OPCML: variants seen among roughly 807,000 people sequenced by gnomAD.
OPCML encodes opioid binding protein/cell adhesion molecule like.
In OPCML, 13 loss-of-function variants were observed where a neutral mutation model predicts 37.8. The ratio of observed to expected loss-of-function variants is 0.34; its 90% CI spans 0.22 to 0.55. The LOEUF (loss-of-function observed/expected upper bound fraction) is 0.55, where lower values mean the gene tolerates loss of function less well. Among genes scored for constraint, OPCML ranks in the 20% least tolerant of loss-of-function variants. The pLI, the probability that OPCML is intolerant of heterozygous loss-of-function variation, is 0.91. For synonymous variants in OPCML, 176 were observed against 168.8 expected (o/e 1.04, Z -0.33); for missense variants, 341 against 435.6 (o/e 0.78, Z 1.93).
At chr11:132,519,133 T>A (rs1436856867) in intron 4 of OPCML, among the ~76,000 whole-genome samples, 1 of 152,186 alleles carries the variant, frequency 6.6e-6, no homozygotes, top group Non-Finnish European at 1.5e-5. Flanking sequence ...TGGTCACCTA[T>A]CAAGAACCAC....
chr11:132,853,274 A>T (rs182007706), intron 2 of OPCML, among the ~76,000 whole-genome samples: 60 of 152,220 alleles, frequency 3.9e-4, no homozygotes, highest in African/African-American at 1.3e-3. Flanking sequence ...TATTTAAAGA[A>T]TTTTCAGATG....
In OPCML at chr11:132,452,547, G is replaced by T. The variant is rs1477565410; in HGVS notation, c.506-15188C>A. ...CTTCTTTCAGCCTGCCTGCCTGCCT[G>T]CCTTCCTTTTTTCCTTCCTTCCTGC... is the stretch of plus-strand genomic sequence containing the variant. On this transcript the variant is annotated intron_variant, in intron 4 of 7. Coordinates refer to ENST00000524381, the MANE Select transcript of OPCML (RefSeq NM_001012393.5). Among the ~76,000 whole-genome samples the T allele has an allele frequency of 3.3e-4, 46 of 141,172 alleles. No homozygotes were observed. The South Asian group carries it at 9.3e-3, about 29-fold the overall frequency. 92.6% of individuals were successfully genotyped at this position (141,172 alleles called of 152,430 possible). A position where few individuals can be genotyped will look rare whatever the true frequency, so the allele number is the denominator to read the frequency against.
chr11:133,233,026 G>T (rs1940345012), intron 1 of OPCML, among the ~76,000 whole-genome samples: 1 of 152,108 alleles, frequency 6.6e-6, no homozygotes, highest in South Asian at 2.1e-4. Flanking sequence ...CTTTTTTGGG[G>T]GGTGGGTCTT....
At position 132,942,943 on chromosome 11, in the gene OPCML, C is replaced by T. The variant is rs748534914; in HGVS notation, c.129G>A (p.Gly43=). 6.8e-6 allele frequency: 11 copies of T among 1,614,102 alleles called. No individual in the cohort carries two copies. In the South Asian group the frequency reaches 1.2e-4, roughly 18 times the overall value. Residue 43 remains glycine (G), a synonymous_variant, in exon 2 of 8, where the codon GGG becomes GGA. Coordinates refer to ENST00000524381, the MANE Select transcript of OPCML (RefSeq NM_001012393.5). ...CTCCCTACCTGAGGGTGGCGCTCTC[C>T]CCCTGCCGGACCGTCACGTTGTCCA... ...KAMDNVTVRQ[G]ESATLRCTID...
chr11:133,259,236 GT>G (rs1941417278), intron 1 of OPCML, among the ~76,000 whole-genome samples: 1 of 152,152 alleles, frequency 6.6e-6, no homozygotes, highest in African/African-American at 2.4e-5. Flanking sequence ...ATTTTCATAA[GT>G]TAGGATGAGT....
At chr11:132,631,352 C>CATATATAT (rs61450463) in intron 3 of OPCML, among the ~76,000 whole-genome samples, 5,695 of 142,420 alleles carry the variant, frequency 0.04, 143 homozygotes, top group African/African-American at 0.071. Flanking sequence ...ACCATATATA[C>CATATATAT]ATATATATAT....
intron 2 of OPCML, among the ~76,000 whole-genome samples, chr11:132,882,398 C>A (rs766702203): frequency 1.3e-5 from 2 of 152,082 alleles, no homozygotes; most frequent in Non-Finnish European, 2.9e-5. Context: ...GGTTCTAGAA[C>A]CAGGAAGGAA....
At chr11:133,016,590 T>G (rs1947340040) in intron 1 of OPCML, among the ~76,000 whole-genome samples, 1 of 152,220 alleles carries the variant, frequency 6.6e-6, no homozygotes, top group South Asian at 2.1e-4. Flanking sequence ...CAACTGTGCA[T>G]TAGAACATAA....
intron 3 of OPCML, among the ~76,000 whole-genome samples, chr11:132,533,261 T>G (rs1360894417): frequency 2.0e-5 from 3 of 152,184 alleles, no homozygotes; most frequent in Non-Finnish European, 4.4e-5. Context: ...TTGCATAGAT[T>G]GTGCAGAGGG....
chr11:132,618,349 A>G (rs1939165424), intron 3 of OPCML, among the ~76,000 whole-genome samples: 1 of 152,188 alleles, frequency 6.6e-6, no homozygotes, highest in South Asian at 2.1e-4. Flanking sequence ...TACTAAAAAT[A>G]CAAAAATTAG....
intron 2 of OPCML, among the ~76,000 whole-genome samples, chr11:132,739,694 A>G (rs1945376209): frequency 6.6e-6 from 1 of 152,212 alleles, no homozygotes; most frequent in Non-Finnish European, 1.5e-5. Context: ...TTGAAAAGGA[A>G]AGATGAGGAT....
chr11:132,762,221 G>C (rs946191051), intron 2 of OPCML, among the ~76,000 whole-genome samples: 4 of 152,200 alleles, frequency 2.6e-5, no homozygotes, highest in African/African-American at 7.2e-5. Flanking sequence ...ATGCCAGCTG[G>C]AGCTCTCCTG....
chr11:133,234,398 A>T (rs1940424048), intron 1 of OPCML, among the ~76,000 whole-genome samples: 1 of 152,236 alleles, frequency 6.6e-6, no homozygotes, highest in Non-Finnish European at 1.5e-5. Flanking sequence ...AGTCAGTACA[A>T]ACTTGGCCTT....
chr11:132,843,241 T>C (rs1197811284), intron 2 of OPCML, among the ~76,000 whole-genome samples: 3 of 152,032 alleles, frequency 2.0e-5, no homozygotes, highest in Non-Finnish European at 4.4e-5. Flanking sequence ...ATTACAGTCA[T>C]GTGCCACCAT....
chr11:132,654,112 T>C (rs1941574985), intron 3 of OPCML, among the ~76,000 whole-genome samples: 1 of 152,244 alleles, frequency 6.6e-6, no homozygotes, highest in Non-Finnish European at 1.5e-5. Flanking sequence ...CAAAAGCTGA[T>C]GCTGCTGGGA....
Position 133,281,020 on chromosome 11 carries a change from G to C in OPCML, c.61+251244C>G, listed in dbSNP as rs147336878. Reference sequence around the variant, plus strand: ...ACCTGGTAGCTCAAGAGTTTCAACAGAGGCACTGGAGAAATTGTCTGAATA... The same window carrying C: ...ACCTGGTAGCTCAAGAGTTTCAACACAGGCACTGGAGAAATTGTCTGAATA... On this transcript the variant is annotated intron_variant, in intron 1 of 7. Transcript: ENST00000524381. Among the ~76,000 whole-genome samples, 3 of 152,288 alleles carry C rather than the reference G, an allele frequency of 2.0e-5. No individual in the cohort carries two copies. In the East Asian group the frequency reaches 5.8e-4, roughly 29 times the overall value.
At chr11:132,714,355 G>T (rs1050818371) in intron 2 of OPCML, among the ~76,000 whole-genome samples, 1 of 152,088 alleles carries the variant, frequency 6.6e-6, no homozygotes, top group Non-Finnish European at 1.5e-5. Context: ...TCTGAAAGGT[G>T]GTCGGCCTGT....
intron 1 of OPCML, among the ~76,000 whole-genome samples, chr11:133,364,390 A>G (rs934141572): frequency 2.0e-5 from 3 of 152,198 alleles, no homozygotes. Flanking sequence ...TAGAGGTGGG[A>G]GCCCTGGTCT....
intron 1 of OPCML, among the ~76,000 whole-genome samples, chr11:132,957,670 T>G (rs1390179660): frequency 6.6e-6 from 1 of 151,458 alleles, no homozygotes; most frequent in African/African-American, 2.5e-5. Flanking sequence ...TCCAGCAACA[T>G]GTACTCACTC....
Sources: allele counts gnomAD v4.1 joint callset (sites outside exome capture counted in the v4.1 genomes callset), GRCh38; gene constraint gnomAD v4.1.1; transcripts MANE v1.5; gene names NCBI Gene and HGNC (gene_info 2026-07-23, HGNC 2026-07-21).